MAGI2: variants seen among roughly 807,000 people sequenced by gnomAD.
MAGI2 encodes membrane associated guanylate kinase, WW and PDZ domain containing 2, also known as membrane-associated guanylate kinase, WW and PDZ domain-containing protein 2.
Under a neutral mutation model 133.3 loss-of-function variants are expected in MAGI2, and 35 were observed. The observed-to-expected ratio is 0.26, with a 90% CI of 0.20 to 0.35. MAGI2 has a LOEUF of 0.35. Among genes scored for constraint, MAGI2 ranks in the 10% least tolerant of loss-of-function variants. The pLI, the probability that MAGI2 is intolerant of heterozygous loss-of-function variation, is 1.00. For synonymous variants in MAGI2, 729 were observed against 710.6 expected, an observed-to-expected ratio of 1.03 and a Z score of -0.41; for missense variants, 1,636 against 1,863.4, an observed-to-expected ratio of 0.88 and a Z score of 2.25.
chr7:78,934,312 CA>C (rs1800357150), intron 2 of MAGI2, among the ~76,000 whole-genome samples: 2 of 152,088 alleles, frequency 1.3e-5, no homozygotes, highest in Non-Finnish European at 1.5e-5. Context: ...CTACGTTAGC[CA>C]GGCTGGGCTC....
At position 79,214,752 on chromosome 7, in the gene MAGI2, CAT is replaced by C. The variant is rs929010488; in HGVS notation, c.302-207548_302-207547del. The stretch of plus-strand genomic sequence containing the variant: ...ATATATAAATATAAATATATAAATA[CAT>C]ATATGATATATAAATAGATAATATA... On this transcript the variant is annotated intron_variant, in intron 1 of 21. Coordinates refer to ENST00000354212, the MANE Select transcript of MAGI2 (RefSeq NM_012301.4). 2.7e-4 allele frequency among the ~76,000 whole-genome samples: 35 copies of C among 129,480 alleles called. 1 individual carries two copies. The highest frequency in any genetic ancestry group is 9.9e-4 in the African/African-American group (34 of 34,510). The allele number at this position is 129,480 out of a possible 152,430, so 84.9% of individuals were successfully genotyped here. A position where few individuals can be genotyped will look rare whatever the true frequency, so the allele number is the denominator to read the frequency against.
intron 1 of MAGI2, among the ~76,000 whole-genome samples, chr7:79,356,088 G>A (rs1450172196): frequency 6.6e-6 from 1 of 152,056 alleles, no homozygotes; most frequent in Non-Finnish European, 1.5e-5. Flanking sequence ...ATATAATTTT[G>A]TTTTGTCTAC....
intron 2 of MAGI2, among the ~76,000 whole-genome samples, chr7:78,656,859 C>G (rs1406092785): frequency 6.6e-6 from 1 of 150,938 alleles, no homozygotes; most frequent in African/African-American, 2.4e-5. Context: ...AAAACACTGT[C>G]AAGAGGATGA....
At chr7:78,923,469 GT>G (rs1378280107) in intron 2 of MAGI2, among the ~76,000 whole-genome samples, 1 of 152,114 alleles carries the variant, frequency 6.6e-6, no homozygotes, top group Non-Finnish European at 1.5e-5. Flanking sequence ...CCCATTGCTT[GT>G]TTTTCTCAGG....
Position 78,436,594 on chromosome 7 carries a change from G to A in MAGI2, c.1045+53167C>T, listed in dbSNP as rs529817947. 1.2e-3 allele frequency among the ~76,000 whole-genome samples: 187 copies of A among 152,246 alleles called. 2 individuals are homozygous for A. Among genetic ancestry groups the A allele is most frequent in the African/African-American group, 4.3e-3 (178 of 41,550 alleles). On this transcript the variant is annotated intron_variant, in intron 6 of 21. Coordinates refer to ENST00000354212, the MANE Select transcript of MAGI2 (RefSeq NM_012301.4). ...AAACAAAAACCTAGAAAAGTTTCCT[G>A]CCTATCCCACTTTACATGATTTCAT...
chr7:78,445,995 T>C (rs982826421), intron 6 of MAGI2, among the ~76,000 whole-genome samples: 1 of 151,910 alleles, frequency 6.6e-6, no homozygotes, highest in African/African-American at 2.4e-5. Flanking sequence ...ATTGTGCTTT[T>C]TCCTCTTCTC....
intron 1 of MAGI2, among the ~76,000 whole-genome samples, chr7:79,311,591 T>G (rs1400458801): frequency 6.6e-6 from 1 of 152,088 alleles, no homozygotes; most frequent in African/African-American, 2.4e-5. Context: ...TTCCCTTCAC[T>G]GCTTTATTTG....
intron 1 of MAGI2, among the ~76,000 whole-genome samples, chr7:79,271,347 T>G (rs1834859943): frequency 6.6e-6 from 1 of 152,136 alleles, no homozygotes; most frequent in African/African-American, 2.4e-5. Context: ...CGTCTAGCAC[T>G]TGGTGAATGA....
rs1819556719 is a variant in MAGI2, at chr7:78,714,924, G to C, written c.419-87685C>G. On this transcript the variant is annotated intron_variant, in intron 2 of 21. Coordinates refer to ENST00000354212, the MANE Select transcript of MAGI2 (RefSeq NM_012301.4). ...TGAATGTCAGCTTTTTTATTTCTAAGGAATCATACTGTTCCTCCATGACTA... is the reference window on the plus strand; with the variant it reads ...TGAATGTCAGCTTTTTTATTTCTAACGAATCATACTGTTCCTCCATGACTA... Among the ~76,000 whole-genome samples, 5 of 152,150 alleles carry C rather than the reference G, an allele frequency of 3.3e-5. No individual in the cohort carries two copies. The South Asian group carries it at 1.0e-3, about 32-fold the overall frequency.
At chr7:79,439,791 C>T (rs1235763736) in intron 1 of MAGI2, among the ~76,000 whole-genome samples, 1 of 152,044 alleles carries the variant, frequency 6.6e-6, no homozygotes, top group Non-Finnish European at 1.5e-5. Flanking sequence ...TCTCTTCCAT[C>T]ATAACACACA....
chr7:79,011,924 C>CCTTCTTTCCTTT (rs1413880167), intron 1 of MAGI2, among the ~76,000 whole-genome samples: 17 of 121,206 alleles, frequency 1.4e-4, no homozygotes, highest in African/African-American at 5.0e-4. Context: ...TTCCTTCCTT[C>CCTTCTTTCCTTT]CTTTCTTTCT....
intron 2 of MAGI2, among the ~76,000 whole-genome samples, chr7:78,668,793 A>C (rs1563326837): frequency 6.6e-6 from 1 of 151,320 alleles, no homozygotes; most frequent in Non-Finnish European, 1.5e-5. Flanking sequence ...AACTACATGG[A>C]AACTGAACAA....
chr7:78,573,314 A>AATATATATATTTATATATATATT lies in MAGI2; in HGVS notation c.539-51670_539-51669insAATATATATATAAATATATATAT, dbSNP rs1563189200. Among the ~76,000 whole-genome samples, 179 of 47,730 alleles carry AATATATATATTTATATATATATT rather than the reference A, an allele frequency of 3.8e-3. 5 individuals are homozygous for AATATATATATTTATATATATATT. The highest frequency in any genetic ancestry group is 0.01 in the East Asian group (20 of 1,912). The allele number at this position is 47,730 out of a possible 152,430, so 31.3% of individuals were successfully genotyped here. On this transcript the variant is annotated intron_variant, in intron 3 of 21. Coordinates refer to ENST00000354212, the MANE Select transcript of MAGI2 (RefSeq NM_012301.4). ...TAAATATATATATTTATATATATAA[A>AATATATATATTTATATATATATT]TATATAAATATATATATAAATATAT...
At chr7:78,292,088 T>C (rs1452912235) in intron 9 of MAGI2, among the ~76,000 whole-genome samples, 2 of 152,124 alleles carry the variant, frequency 1.3e-5, no homozygotes, top group Non-Finnish European at 2.9e-5. Context: ...GCCAGGGCAA[T>C]CAGGCAGGAG....
intron 9 of MAGI2, among the ~76,000 whole-genome samples, chr7:78,286,841 C>A (rs1249665865): frequency 6.6e-6 from 1 of 152,042 alleles, no homozygotes; most frequent in Non-Finnish European, 1.5e-5. Context: ...AATTGGTTAA[C>A]AAGAATGTTT....
At chr7:79,118,454 T>G (rs1367509551) in intron 1 of MAGI2, among the ~76,000 whole-genome samples, 2 of 152,300 alleles carry the variant, frequency 1.3e-5, no homozygotes, top group Admixed American at 1.3e-4. Context: ...GAGCTAAACA[T>G]TATTGCATCT....
At chr7:79,363,149 G>A (rs568554893) in intron 1 of MAGI2, among the ~76,000 whole-genome samples, 2 of 151,310 alleles carry the variant, frequency 1.3e-5, no homozygotes, top group South Asian at 2.1e-4. Context: ...TTCTACATAC[G>A]AACAATAAAC....
chr7:79,311,135 T>C (rs1838257614), intron 1 of MAGI2, among the ~76,000 whole-genome samples: 1 of 152,122 alleles, frequency 6.6e-6, no homozygotes, highest in African/African-American at 2.4e-5. Flanking sequence ...AAACTGCTCA[T>C]AAAAGATCAC....
intron 2 of MAGI2, among the ~76,000 whole-genome samples, chr7:78,932,103 C>A (rs1484797848): frequency 6.6e-6 from 1 of 151,776 alleles, no homozygotes. Context: ...TTCATGTATG[C>A]CCAAATTCCC....
Sources: allele counts gnomAD v4.1 joint callset (sites outside exome capture counted in the v4.1 genomes callset), GRCh38; gene constraint gnomAD v4.1.1; transcripts MANE v1.5; gene names NCBI Gene and HGNC (gene_info 2026-07-23, HGNC 2026-07-21).